EPB41L4A: variants seen among roughly 807,000 people sequenced by gnomAD.
EPB41L4A encodes the protein erythrocyte membrane protein band 4.1 like 4A.
In EPB41L4A, 100 loss-of-function variants were observed where a neutral mutation model predicts 108.6. The observed-to-expected ratio is 0.92, with a 90% CI of 0.78 to 1.09. The LOEUF (loss-of-function observed/expected upper bound fraction) is 1.09, where lower values mean the gene tolerates loss of function less well. Ranked by LOEUF, EPB41L4A falls within the 50% of genes least tolerant of loss-of-function variation. The pLI, the probability that EPB41L4A is intolerant of heterozygous loss-of-function variation, is 0.00. For synonymous variants in EPB41L4A, 319 were observed against 289.0 expected (o/e 1.10, Z -1.05); for missense variants, 1,030 against 842.7 (o/e 1.22, Z -2.75).
chr5:112,251,977 T>C (rs1335556882), intron 9 of EPB41L4A, among the ~76,000 whole-genome samples: 3 of 152,208 alleles, frequency 2.0e-5, no homozygotes, highest in Non-Finnish European at 4.4e-5. Flanking sequence ...AGCAAACAAT[T>C]GTCCACTTTA....
intron 1 of EPB41L4A, among the ~76,000 whole-genome samples, chr5:112,325,442 TAA>T (rs11294749): frequency 8.6e-4 from 89 of 103,390 alleles, no homozygotes; most frequent in Non-Finnish European, 6.7e-4. Context: ...CTCCGTCTCA[TAA>T]AAAAAAAAAA....
Position 112,280,229 on chromosome 5 carries a change from G to A in EPB41L4A, c.256+43C>T, listed in dbSNP as rs78003722. ...CCAACTAATCATGGACTTTGTCATC[G>A]TTTTCAAGCCACCCTTTAACAAAGT... is the stretch of plus-strand genomic sequence containing the variant. On this transcript the variant is annotated intron_variant, in intron 3 of 22. Transcript: ENST00000261486. 13,488 of 1,568,140 alleles carry A rather than the reference G, an allele frequency of 8.6e-3. 65 individuals carry two copies. The highest frequency in any genetic ancestry group is 0.011 in the Non-Finnish European group (12,137 of 1,138,310).
chr5:112,361,611 T>G (rs983178269), intron 1 of EPB41L4A, among the ~76,000 whole-genome samples: 1 of 151,084 alleles, frequency 6.6e-6, no homozygotes, highest in Non-Finnish European at 1.5e-5. Context: ...TGTACTGGTC[T>G]TTAACTTTTA....
intron 1 of EPB41L4A, among the ~76,000 whole-genome samples, chr5:112,360,740 G>A (rs1204404081): frequency 6.6e-6 from 1 of 152,046 alleles, no homozygotes; most frequent in Non-Finnish European, 1.5e-5. Flanking sequence ...GCCCAGTCTG[G>A]GAAGTGAGGA....
At chr5:112,257,380 G>C (rs955819909) in intron 9 of EPB41L4A, 1 of 151,986 alleles carries the variant, frequency 6.6e-6, no homozygotes, top group Non-Finnish European at 1.5e-5. Flanking sequence ...TGACCTAGAA[G>C]TGTGCAGTGC....
Position 112,303,347 on chromosome 5 carries a change from G to A in EPB41L4A, c.204+4039C>T, listed in dbSNP as rs115542590. Among the ~76,000 whole-genome samples the A allele has an allele frequency of 7.3e-3, 1,115 of 152,248 alleles. 14 individuals carry two copies. The highest frequency in any genetic ancestry group is 0.025 in the African/African-American group (1,037 of 41,552). On this transcript the variant is annotated intron_variant, in intron 2 of 22. Transcript: ENST00000261486. The stretch of plus-strand genomic sequence containing the variant: ...ACTCAGAGTACTCGGGGGCAGGGAA[G>A]AGAATACAAATATTAACACATACAC...
chr5:112,385,178 A>G (rs1171884701), intron 1 of EPB41L4A, among the ~76,000 whole-genome samples: 1 of 152,234 alleles, frequency 6.6e-6, no homozygotes, highest in East Asian at 1.9e-4. Flanking sequence ...AAAGGACCAG[A>G]GGGAAAGCAA....
At chr5:112,210,640 G>T (rs555229969) in intron 12 of EPB41L4A, among the ~76,000 whole-genome samples, 1 of 152,152 alleles carries the variant, frequency 6.6e-6, no homozygotes, top group Non-Finnish European at 1.5e-5. Context: ...TGGAAGTCAT[G>T]ATCGAAATAA....
intron 9 of EPB41L4A, among the ~76,000 whole-genome samples, chr5:112,255,444 G>T (rs1751014276): frequency 6.6e-6 from 1 of 152,118 alleles, no homozygotes; most frequent in Non-Finnish European, 1.5e-5. Flanking sequence ...GGAACTGCTG[G>T]GTTGAAGCTC....
intron 1 of EPB41L4A, among the ~76,000 whole-genome samples, chr5:112,383,126 C>T (rs541977160): frequency 6.6e-5 from 10 of 152,246 alleles, no homozygotes; most frequent in African/African-American, 2.2e-4. Flanking sequence ...TCATACAGGA[C>T]GTGTATTCCA....
chr5:112,338,309 A>C (rs1757053188), intron 1 of EPB41L4A, among the ~76,000 whole-genome samples: 1 of 152,072 alleles, frequency 6.6e-6, no homozygotes, highest in East Asian at 1.9e-4. Context: ...ACCTTCAAAG[A>C]AGCTACTTTC....
At chr5:112,172,717 T>C (rs950225871) in intron 18 of EPB41L4A, among the ~76,000 whole-genome samples, 19 of 152,164 alleles carry the variant, frequency 1.2e-4, no homozygotes, top group Admixed American at 1.1e-3. Flanking sequence ...ATGGTTCAGC[T>C]GTGACTATAC....
chr5:112,418,888 C>G (rs1373182888), intron 1 of EPB41L4A, 53 bp downstream of exon 1: 2 of 1,445,956 alleles, frequency 1.4e-6, no homozygotes, highest in East Asian at 4.6e-5. Context: ...AGCGATGGAC[C>G]CCCGCACCCG....
In EPB41L4A at chr5:112,384,281, AGAT is replaced by A. The variant is rs199569246; in HGVS notation, c.99+34657_99+34659del. On this transcript the variant is annotated intron_variant, in intron 1 of 22. Transcript: ENST00000261486. ...CCATCTCGATAAAACTGTCAACAAAAGATGATAATATAGATGACTATTCTGAAA... is the reference window on the plus strand; with the variant it reads ...CCATCTCGATAAAACTGTCAACAAAAGATAATATAGATGACTATTCTGAAA... 5.3e-5 allele frequency among the ~76,000 whole-genome samples: 8 copies of A among 152,358 alleles called. No individual in the cohort carries two copies. In the East Asian group the frequency reaches 1.3e-3, roughly 26 times the overall value.
intron 1 of EPB41L4A, among the ~76,000 whole-genome samples, chr5:112,334,360 A>T (rs1756784989): frequency 6.6e-6 from 1 of 151,944 alleles, no homozygotes; most frequent in South Asian, 2.1e-4. Context: ...CTCTTTCCCA[A>T]GTGCTTTTCT....
At chr5:112,400,752 G>C (rs757352056) in intron 1 of EPB41L4A, among the ~76,000 whole-genome samples, 4 of 152,102 alleles carry the variant, frequency 2.6e-5, no homozygotes, top group Non-Finnish European at 4.4e-5. Context: ...CAATTTTGTT[G>C]TTCTAATTTA....
At chr5:112,275,284 T>C in intron 4 of EPB41L4A, 42 bp downstream of exon 4, 3 of 1,506,082 alleles carry the variant, frequency 2.0e-6, no homozygotes, top group Non-Finnish European at 2.7e-6. Flanking sequence ...TTTTTGTATA[T>C]GCAATGCATG....
intron 2 of EPB41L4A, among the ~76,000 whole-genome samples, chr5:112,299,182 G>T (rs1754194452): frequency 6.6e-6 from 1 of 152,074 alleles, no homozygotes; most frequent in Non-Finnish European, 1.5e-5. Context: ...CCTTCATTCT[G>T]TTGGGTTTGG....
chr5:112,377,442 G>T (rs114381266), intron 1 of EPB41L4A, among the ~76,000 whole-genome samples: 1,681 of 152,154 alleles, frequency 0.011, 42 homozygotes, highest in African/African-American at 0.039. Context: ...AGAAATGAAA[G>T]GTTACTGGCC....
Sources: gnomAD v4.1 joint callset for allele counts (sites outside exome capture counted in the v4.1 genomes callset) on GRCh38, gnomAD v4.1.1 for gene constraint, MANE v1.5 for transcripts, NCBI Gene and HGNC (gene_info 2026-07-23, HGNC 2026-07-21) for gene names.